IQCK: variants seen among roughly 807,000 people sequenced by gnomAD.
IQCK encodes IQ domain-containing protein K.
Under a neutral mutation model 28.1 loss-of-function variants are expected in IQCK, and 29 were observed. The observed-to-expected ratio is 1.03, with a 90% CI of 0.77 to 1.41. The LOEUF (loss-of-function observed/expected upper bound fraction) is 1.41, where lower values mean the gene tolerates loss of function less well. IQCK is among the 40% of genes most tolerant of loss of function. IQCK has a pLI of 0.00. For synonymous variants in IQCK, 113 were observed against 115.1 expected (o/e 0.98, Z 0.12); for missense variants, 359 against 314.7 (o/e 1.14, Z -1.07).
intron 9 of IQCK, among the ~76,000 whole-genome samples, chr16:19,844,398 G>C (rs752815042): frequency 6.6e-6 from 1 of 152,072 alleles, no homozygotes; most frequent in South Asian, 2.1e-4. Context: ...GAAGACTTCA[G>C]AGTTGAACCC....
intron 7 of IQCK, among the ~76,000 whole-genome samples, chr16:19,805,154 A>G (rs1312245213): frequency 6.6e-6 from 1 of 152,004 alleles, no homozygotes; most frequent in Admixed American, 6.6e-5. Context: ...TTAAAGGAGC[A>G]CTTCCGTTCT....
chr16:19,820,613 C>A (rs2056058900), intron 7 of IQCK, among the ~76,000 whole-genome samples: 1 of 147,952 alleles, frequency 6.8e-6, no homozygotes, highest in African/African-American at 2.5e-5. Context: ...TGTGCCATTG[C>A]ACTCCAGCCT....
At position 19,767,324 on chromosome 16, in the gene IQCK, G is replaced by A. The variant is rs144195655; in HGVS notation, c.605+3212G>A. 4.3e-3 allele frequency among the ~76,000 whole-genome samples: 652 copies of A among 152,310 alleles called. 1 individual carries two copies. The highest frequency in any genetic ancestry group is 7.1e-3 in the Non-Finnish European group (481 of 68,032). ...CTGTATCCCAGGTTCTTGCCTTTGT[G>A]TACCAGAGAAATCAGATCACACGTG... On this transcript the variant is annotated intron_variant, in intron 6 of 7. Coordinates refer to ENST00000564186, the Ensembl canonical transcript of IQCK.
At chr16:19,753,957 A>G (rs757215692) in intron 4 of IQCK, among the ~76,000 whole-genome samples, 2 of 151,912 alleles carry the variant, frequency 1.3e-5, no homozygotes, top group Non-Finnish European at 2.9e-5. Flanking sequence ...GCTCCAGCAC[A>G]CCTCCCCTGA....
At chr16:19,843,371 C>A (rs2056382427) in intron 9 of IQCK, among the ~76,000 whole-genome samples, 1 of 152,218 alleles carries the variant, frequency 6.6e-6, no homozygotes, top group Admixed American at 6.5e-5. Context: ...TCTCCCAAGA[C>A]TTCCAATCCT....
intron 4 of IQCK, among the ~76,000 whole-genome samples, chr16:19,745,816 C>T (rs1347460469): frequency 6.6e-6 from 1 of 150,400 alleles, no homozygotes; most frequent in Non-Finnish European, 1.5e-5. Flanking sequence ...TTCTATCTCA[C>T]TCATGTGTCT....
At chr16:19,821,749 C>T (rs1463421207) in intron 7 of IQCK, among the ~76,000 whole-genome samples, 2 of 151,980 alleles carry the variant, frequency 1.3e-5, no homozygotes, top group Admixed American at 6.6e-5. Flanking sequence ...CAACCCTGTT[C>T]CCAATAGCCA....
At chr16:19,812,783 T>A (rs1157044142) in intron 7 of IQCK, among the ~76,000 whole-genome samples, 1 of 152,214 alleles carries the variant, frequency 6.6e-6, no homozygotes, top group Non-Finnish European at 1.5e-5. Flanking sequence ...TATAAAGATT[T>A]GCTAGAAAAA....
chr16:19,856,542 A>T, exon 10 of IQCK: 1 of 1,613,710 alleles, frequency 6.2e-7, no homozygotes, highest in Non-Finnish European at 8.5e-7. Flanking sequence ...AAATTCCATC[A>T]TCTTAACCAT....
chr16:19,841,997 C>G (rs1461915812), intron 9 of IQCK, among the ~76,000 whole-genome samples: 1 of 152,154 alleles, frequency 6.6e-6, no homozygotes, highest in Non-Finnish European at 1.5e-5. Flanking sequence ...AGGTGCCCAC[C>G]ACCACGCCTA....
intron 7 of IQCK, among the ~76,000 whole-genome samples, chr16:19,805,903 T>C (rs2055827605): frequency 6.6e-6 from 1 of 151,700 alleles, no homozygotes; most frequent in South Asian, 2.1e-4. Context: ...GCTGATTGGT[T>C]GGGGATGAAC....
At chr16:19,854,538 CT>C (rs1380259144) in intron 9 of IQCK, among the ~76,000 whole-genome samples, 1 of 152,226 alleles carries the variant, frequency 6.6e-6, no homozygotes, top group Non-Finnish European at 1.5e-5. Flanking sequence ...CAATTTCCCC[CT>C]ATTGCAGATG....
chr16:19,786,527 A>G (rs781375373), intron 6 of IQCK, among the ~76,000 whole-genome samples: 23 of 142,470 alleles, frequency 1.6e-4, no homozygotes, highest in Non-Finnish European at 3.0e-4. Context: ...GTGAAACCCC[A>G]TCTCTACCAA....
intron 9 of IQCK, among the ~76,000 whole-genome samples, chr16:19,835,587 CTTTTT>C (rs372317479): frequency 7.2e-6 from 1 of 138,940 alleles, no homozygotes; most frequent in Non-Finnish European, 1.6e-5. Context: ...CTTTTCTTTT[CTTTTT>C]TTTTTTTTTT....
chr16:19,811,001 G>A (rs940710778), intron 7 of IQCK, among the ~76,000 whole-genome samples: 2 of 152,060 alleles, frequency 1.3e-5, no homozygotes, highest in Non-Finnish European at 2.9e-5. Context: ...GGCATTGTAC[G>A]GTCTGGGTAC....
At chr16:19,827,676 G>A (rs2056166964), downstream of IQCK, among the ~76,000 whole-genome samples, 2 of 152,080 alleles carry the variant, frequency 1.3e-5, no homozygotes, top group Admixed American at 1.3e-4. Context: ...CTCCCTAATG[G>A]GCTTCATCCA....
At chr16:19,850,466 C>T (rs1158457438) in intron 9 of IQCK, among the ~76,000 whole-genome samples, 2 of 152,156 alleles carry the variant, frequency 1.3e-5, no homozygotes, top group Non-Finnish European at 2.9e-5. Context: ...AAATCGGGAG[C>T]TAATTGAGTA....
At chr16:19,828,793 G>A (rs1227555802), downstream of IQCK, among the ~76,000 whole-genome samples, 2 of 148,052 alleles carry the variant, frequency 1.4e-5, no homozygotes, top group African/African-American at 5.0e-5. Context: ...AGAGGTTGCA[G>A]TGAGCCGAGA....
chr16:19,753,054 G>A (rs1277515586), intron 4 of IQCK, among the ~76,000 whole-genome samples: 1 of 146,112 alleles, frequency 6.8e-6, no homozygotes, highest in Non-Finnish European at 1.5e-5. Context: ...AAGTGTAGCA[G>A]AGAGAGAGAG....
Sources: gnomAD v4.1 joint callset for allele counts (sites outside exome capture counted in the v4.1 genomes callset) on GRCh38, gnomAD v4.1.1 for gene constraint, MANE v1.5 for transcripts, NCBI Gene and HGNC (gene_info 2026-07-23, HGNC 2026-07-21) for gene names.